Variants in RSRC1 observed in about 807,000 individuals in gnomAD.
RSRC1 encodes serine/Arginine-related protein 53.
A neutral mutation model predicts 49.1 loss-of-function variants in RSRC1; 39 were observed. That is an observed-to-expected ratio of 0.79 (90% CI 0.61 to 1.04). RSRC1 has a LOEUF of 1.04. Among genes scored for constraint, RSRC1 ranks in the 50% least tolerant of loss-of-function variants. The pLI is 0.00. For missense variants in RSRC1, 388 were observed against 402.4 expected (o/e 0.96, Z 0.31); for synonymous variants, 143 against 130.8 (o/e 1.09, Z -0.63).
At chr3:158,403,163 T>C (rs1215326074) in intron 6 of RSRC1, among the ~76,000 whole-genome samples, 1 of 151,840 alleles carries the variant, frequency 6.6e-6, no homozygotes, top group African/African-American at 2.4e-5. Context: ...ATAACAGCAA[T>C]GGGTTTGCCC....
At chr3:158,305,047 C>G (rs1727761735) in intron 5 of RSRC1, among the ~76,000 whole-genome samples, 1 of 152,038 alleles carries the variant, frequency 6.6e-6, no homozygotes, top group Non-Finnish European at 1.5e-5. Flanking sequence ...ATCCGTTTCT[C>G]TGATACATTT....
chr3:158,193,967 C>A (rs1720388856), intron 3 of RSRC1, among the ~76,000 whole-genome samples: 1 of 151,632 alleles, frequency 6.6e-6, no homozygotes, highest in South Asian at 2.1e-4. Context: ...TGACTATAAT[C>A]CCAGAACTTG....
At chr3:158,452,848 A>C (rs981985945) in intron 6 of RSRC1, among the ~76,000 whole-genome samples, 1 of 152,154 alleles carries the variant, frequency 6.6e-6, no homozygotes, top group Non-Finnish European at 1.5e-5. Flanking sequence ...AAAGTGGAAA[A>C]AGTGTGACCA....
chr3:158,477,798 T>TTATATATATATATATATATATATATATA lies in RSRC1; in HGVS notation c.652+16797_652+16824dup, dbSNP rs67839411. Among the ~76,000 whole-genome samples, 43 of 89,750 alleles carry TTATATATATATATATATATATATATATA rather than the reference T, an allele frequency of 4.8e-4. 1 individual carries two copies. Among genetic ancestry groups the TTATATATATATATATATATATATATATA allele is most frequent in the African/African-American group, 1.6e-3 (35 of 21,640 alleles). The allele number at this position is 89,750 out of a possible 152,430, so 58.9% of individuals were successfully genotyped here. A position where few individuals can be genotyped will look rare whatever the true frequency, so the allele number is the denominator to read the frequency against. ...TGATGGGATAGGTTGCGGGAGGGATTTATATATATATATATATATATATAT... is the reference window on the plus strand; with the variant it reads ...TGATGGGATAGGTTGCGGGAGGGATTTATATATATATATATATATATATATATATATATATATATATATATATATATAT... On this transcript the variant is annotated intron_variant, in intron 7 of 9. Coordinates refer to ENST00000611884, the MANE Select transcript of RSRC1 (RefSeq NM_001271838.2).
rs78331991 is a variant in RSRC1, at chr3:158,153,271, C to T, written c.320+29280C>T. Among the ~76,000 whole-genome samples the T allele has an allele frequency of 5.0e-3, 754 of 152,292 alleles. 6 individuals are homozygous for T. Among genetic ancestry groups the T allele is most frequent in the African/African-American group, 0.017 (717 of 41,564 alleles). On this transcript the variant is annotated intron_variant, in intron 3 of 9. Transcript: ENST00000611884. ...ATCAAAGTGATCTGCAACTCTTTCT[C>T]TTTGGAGACACTTGAGGATGGGTAT...
chr3:158,327,814 C>G (rs1242153212), intron 5 of RSRC1, among the ~76,000 whole-genome samples: 5 of 152,046 alleles, frequency 3.3e-5, no homozygotes, highest in Non-Finnish European at 7.4e-5. Context: ...GTTGATCTGT[C>G]TAATGTTGAC....
At chr3:158,255,241 A>G (rs991190519) in intron 4 of RSRC1, among the ~76,000 whole-genome samples, 4 of 152,126 alleles carry the variant, frequency 2.6e-5, no homozygotes, top group Non-Finnish European at 5.9e-5. Flanking sequence ...TAATTTTTGT[A>G]TAAGGTGTAA....
At chr3:158,434,761 G>A (rs1406323865) in intron 6 of RSRC1, among the ~76,000 whole-genome samples, 1 of 151,810 alleles carries the variant, frequency 6.6e-6, no homozygotes, top group Non-Finnish European at 1.5e-5. Flanking sequence ...ATCATATTTT[G>A]GTAAATTTTT....
intron 3 of RSRC1, among the ~76,000 whole-genome samples, chr3:158,145,781 A>G (rs1348435975): frequency 6.6e-6 from 1 of 152,134 alleles, no homozygotes; most frequent in African/African-American, 2.4e-5. Context: ...ATGTTCTTCC[A>G]TTTGTTTGTA....
At chr3:158,448,364 A>G (rs1340484461) in intron 6 of RSRC1, among the ~76,000 whole-genome samples, 1 of 151,898 alleles carries the variant, frequency 6.6e-6, no homozygotes, top group East Asian at 1.9e-4. Flanking sequence ...ACTGTAGCCA[A>G]GCAGTTTATT....
At chr3:158,349,691 C>CTTTTTTTTTTTT (rs775736592) in intron 5 of RSRC1, among the ~76,000 whole-genome samples, 4 of 74,852 alleles carry the variant, frequency 5.3e-5, no homozygotes, top group African/African-American at 1.7e-4. Context: ...TCTTACTGCC[C>CTTTTTTTTTTTT]TTTTTTTTTT....
In RSRC1 at chr3:158,545,057, AG is replaced by A. The variant is rs1457442139; in HGVS notation, c.*783del. 8 of 152,310 alleles carry A rather than the reference AG, an allele frequency of 5.3e-5. No homozygotes were observed. The highest frequency in any genetic ancestry group is 2.6e-4 in the Admixed American group (4 of 15,284). The allele number at this position is 152,310 out of a possible 1,614,324, so 9.4% of individuals were successfully genotyped here. ...TTTTGATAAGGCTATCTGCCATTGT[AG>A]AATACCTTTCTCTAGTAGCTGAATG... is the stretch of plus-strand genomic sequence containing the variant. On this transcript the variant is annotated 3_prime_UTR_variant, in exon 10 of 10. Transcript: ENST00000611884.
intron 4 of RSRC1, among the ~76,000 whole-genome samples, chr3:158,256,690 C>T (rs984406769): frequency 6.6e-6 from 1 of 152,136 alleles, no homozygotes; most frequent in Non-Finnish European, 1.5e-5. Context: ...GCTGTGAATC[C>T]ATCTGTTCCT....
In RSRC1 at chr3:158,499,620, G is replaced by A. The variant is rs187321930; in HGVS notation, c.653-37472G>A. Among the ~76,000 whole-genome samples the A allele has an allele frequency of 1.4e-4, 21 of 152,214 alleles. No homozygotes were observed. The East Asian group carries it at 4.1e-3, about 29-fold the overall frequency. The stretch of plus-strand genomic sequence containing the variant: ...GCTCCTTCATTAGGTATATTCCTAA[G>A]TATTTTATTTATTTTTCAGCTATTG... On this transcript the variant is annotated intron_variant, in intron 7 of 9. Coordinates refer to ENST00000611884, the MANE Select transcript of RSRC1 (RefSeq NM_001271838.2).
At chr3:158,478,291 TA>T (rs1255019322) in intron 7 of RSRC1, among the ~76,000 whole-genome samples, 1 of 151,950 alleles carries the variant, frequency 6.6e-6, no homozygotes, top group Non-Finnish European at 1.5e-5. Context: ...CTTTTTGAAA[TA>T]TTTTTTTCTA....
At chr3:158,396,431 A>T (rs1268820160) in intron 6 of RSRC1, among the ~76,000 whole-genome samples, 3 of 150,298 alleles carry the variant, frequency 2.0e-5, no homozygotes, top group African/African-American at 2.4e-5. Flanking sequence ...TTTTCTGAAG[A>T]TTTCTTTTTA....
At chr3:158,370,149 T>C (rs1248521808) in intron 6 of RSRC1, among the ~76,000 whole-genome samples, 1 of 151,960 alleles carries the variant, frequency 6.6e-6, no homozygotes, top group Non-Finnish European at 1.5e-5. Flanking sequence ...ATCATTTGTA[T>C]TGGTATTGTC....
chr3:158,468,568 C>T (rs1003047607), intron 7 of RSRC1, among the ~76,000 whole-genome samples: 1 of 152,164 alleles, frequency 6.6e-6, no homozygotes, highest in Non-Finnish European at 1.5e-5. Context: ...ATATCCTTAA[C>T]TCATGCCTCT....
intron 3 of RSRC1, among the ~76,000 whole-genome samples, chr3:158,202,547 T>TGTCA (rs760375174): frequency 0.011 from 1,459 of 136,364 alleles, 21 homozygotes; most frequent in Non-Finnish European, 0.018. Flanking sequence ...TCTGTAGGGT[T>TGTCA]GTCAGTCTGG....
Sources: allele counts gnomAD v4.1 joint callset (sites outside exome capture counted in the v4.1 genomes callset), GRCh38; gene constraint gnomAD v4.1.1; transcripts MANE v1.5; gene names NCBI Gene and HGNC (gene_info 2026-07-23, HGNC 2026-07-21).